Variants in COG5 observed in about 807,000 individuals in gnomAD.
COG5 encodes conserved oligomeric Golgi complex subunit 5.
In COG5, 86 loss-of-function variants were observed where a neutral mutation model predicts 110.4. The observed-to-expected ratio is 0.78, with a 90% CI of 0.65 to 0.93. The LOEUF (loss-of-function observed/expected upper bound fraction) is 0.93, where lower values mean the gene tolerates loss of function less well. Ranked by LOEUF, COG5 falls within the 40% of genes least tolerant of loss-of-function variation. The probability of loss-of-function intolerance (pLI) is 0.00; values close to 1 mark genes in which losing one functional copy is unlikely to be tolerated. For missense variants in COG5, 1,077 were observed against 987.0 expected (o/e 1.09, Z -1.22); for synonymous variants, 360 against 334.6 (o/e 1.08, Z -0.83).
intron 19 of COG5, among the ~76,000 whole-genome samples, chr7:107,220,460 A>C (rs1799834822): frequency 6.6e-6 from 1 of 152,194 alleles, no homozygotes; most frequent in South Asian, 2.1e-4. Flanking sequence ...TGTTGTCTTA[A>C]AGGCCTCTGG....
intron 6 of COG5, among the ~76,000 whole-genome samples, chr7:107,451,378 T>C (rs12532304): frequency 0.42 from 64,162 of 152,054 alleles, 14,333 homozygotes; most frequent in Non-Finnish European, 0.5. Context: ...AGAATGGTTC[T>C]AATTATTCAA....
At chr7:107,272,926 G>C (rs533271782) in intron 14 of COG5, among the ~76,000 whole-genome samples, 1 of 152,270 alleles carries the variant, frequency 6.6e-6, no homozygotes, top group East Asian at 1.9e-4. Context: ...ACAATCCATA[G>C]CTTCTAAGAT....
At chr7:107,208,702 T>C in intron 21 of COG5, 1 of 985,418 alleles carries the variant, frequency 1.0e-6, no homozygotes, top group Non-Finnish European at 1.2e-6. Context: ...TGTTCATAGC[T>C]GAGTAACAGA....
chr7:107,552,470 T>C (rs1372774997), intron 3 of COG5, among the ~76,000 whole-genome samples: 1 of 151,328 alleles, frequency 6.6e-6, no homozygotes, highest in Non-Finnish European at 1.5e-5. Flanking sequence ...GCAAAAGACA[T>C]AAAGAGACAT....
chr7:107,492,623 T>C (rs1170787084), intron 6 of COG5, among the ~76,000 whole-genome samples: 1 of 152,106 alleles, frequency 6.6e-6, no homozygotes, highest in Non-Finnish European at 1.5e-5. Context: ...TCTACATACC[T>C]TGGCTTATGA....
intron 6 of COG5, among the ~76,000 whole-genome samples, chr7:107,493,142 A>C (rs986510842): frequency 6.6e-6 from 1 of 152,120 alleles, no homozygotes; most frequent in African/African-American, 2.4e-5. Flanking sequence ...CCCACAAAGG[A>C]ACACAGAGTT....
chr7:107,409,581 C>A (rs80285774), intron 7 of COG5, among the ~76,000 whole-genome samples: 15 of 152,122 alleles, frequency 9.9e-5, no homozygotes, highest in Admixed American at 3.3e-4. Context: ...AAACAGTTAA[C>A]ATTGAAGAAT....
rs117115145 is a variant in COG5 at position 107,329,736 on chromosome 7, A to C, written c.1027-5215T>G. Among the ~76,000 whole-genome samples the C allele has an allele frequency of 5.8e-3, 878 of 152,088 alleles. 2 individuals are homozygous for C. Among genetic ancestry groups the C allele is most frequent in the Non-Finnish European group, 9.9e-3 (675 of 67,976 alleles). On this transcript the variant is annotated intron_variant, in intron 10 of 21. Coordinates refer to ENST00000297135, the MANE Select transcript of COG5 (RefSeq NM_006348.5). Reference sequence around the variant, plus strand: ...GAGACCCCCCCCGTTTCTACACAAAAATTTAAAAAATTAGCTGAGTGTGGG... The same window carrying C: ...GAGACCCCCCCCGTTTCTACACAAACATTTAAAAAATTAGCTGAGTGTGGG...
intron 6 of COG5, among the ~76,000 whole-genome samples, chr7:107,487,747 T>G (rs2129125817): frequency 1.3e-5 from 2 of 151,988 alleles, no homozygotes; most frequent in East Asian, 3.9e-4. Context: ...ATGACTAAAA[T>G]AATTAACAAT....
chr7:107,425,714 A>C (rs1793600314), intron 6 of COG5, among the ~76,000 whole-genome samples: 1 of 152,212 alleles, frequency 6.6e-6, no homozygotes, highest in Non-Finnish European at 1.5e-5. Flanking sequence ...AAAGGTTAGA[A>C]GAACTACCTG....
chr7:107,391,315 T>G (rs1044361968), intron 7 of COG5, among the ~76,000 whole-genome samples: 1 of 152,192 alleles, frequency 6.6e-6, no homozygotes, highest in African/African-American at 2.4e-5. Context: ...TTATCTGTCG[T>G]TGGGTCAGGG....
At chr7:107,321,804 T>A (rs1005976667) in intron 11 of COG5, among the ~76,000 whole-genome samples, 8 of 152,286 alleles carry the variant, frequency 5.3e-5, no homozygotes, top group Admixed American at 3.3e-4. Context: ...TGACTTTGGA[T>A]TAGGCAATAA....
intron 17 of COG5, among the ~76,000 whole-genome samples, chr7:107,241,761 T>A (rs117756583): frequency 6.6e-6 from 1 of 152,054 alleles, no homozygotes; most frequent in Non-Finnish European, 1.5e-5. Context: ...CTGTGCTTCA[T>A]ATATTTTTTA....
rs78885898 is a variant in COG5 at position 107,326,901 on chromosome 7, G to A, written c.1027-2380C>T. 2.9e-3 allele frequency among the ~76,000 whole-genome samples: 441 copies of A among 152,278 alleles called. 28 individuals are homozygous for A. The East Asian group carries it at 0.08, about 27-fold the overall frequency. On this transcript the variant is annotated intron_variant, in intron 10 of 21. Coordinates refer to ENST00000297135, the MANE Select transcript of COG5 (RefSeq NM_006348.5). Reference sequence around the variant, plus strand: ...ACTTCAAGACATATTACAGAGCCAGGTGCAGTGGAACACACCTGTAGTCTC... The same window carrying A: ...ACTTCAAGACATATTACAGAGCCAGATGCAGTGGAACACACCTGTAGTCTC...
At chr7:107,290,224 TC>T (rs1482947348) in intron 12 of COG5, among the ~76,000 whole-genome samples, 2 of 152,054 alleles carry the variant, frequency 1.3e-5, no homozygotes, top group Non-Finnish European at 2.9e-5. Context: ...CTACCTACCC[TC>T]CCCACTTTTT....
At chr7:107,444,051 T>C (rs114765438) in intron 6 of COG5, among the ~76,000 whole-genome samples, 1,622 of 152,300 alleles carry the variant, frequency 0.011, 16 homozygotes, top group African/African-American at 0.037. Context: ...TTGAAAGACA[T>C]AGACTTACAC....
intron 3 of COG5, among the ~76,000 whole-genome samples, chr7:107,548,817 GC>G (rs905323636): frequency 6.6e-5 from 10 of 152,150 alleles, no homozygotes; most frequent in Non-Finnish European, 1.5e-4. Context: ...AACTCTCTAG[GC>G]TTACAACATG....
chr7:107,563,100 C>T (rs943825659), intron 1 of COG5, among the ~76,000 whole-genome samples: 8 of 152,138 alleles, frequency 5.3e-5, no homozygotes, highest in Non-Finnish European at 7.4e-5. Context: ...AGATTCGGGA[C>T]ATGGTAACTG....
chr7:107,224,119 C>T (rs1015716851), intron 19 of COG5, among the ~76,000 whole-genome samples: 1 of 152,116 alleles, frequency 6.6e-6, no homozygotes, highest in Admixed American at 6.5e-5. Flanking sequence ...CCCGAAACCT[C>T]AGAGAAACCG....
Sources: allele counts gnomAD v4.1 joint callset (sites outside exome capture counted in the v4.1 genomes callset), GRCh38; gene constraint gnomAD v4.1.1; transcripts MANE v1.5; gene names NCBI Gene and HGNC (gene_info 2026-07-23, HGNC 2026-07-21).